The following SAMSN1 variants were observed in gnomAD, a reference collection of about 807,000 sequenced individuals.
SAMSN1 encodes the protein SAM domain-containing protein SAMSN-1.
In SAMSN1, 31 loss-of-function variants were observed where a neutral mutation model predicts 42.0. The ratio of observed to expected loss-of-function variants is 0.74; its 90% CI spans 0.55 to 1.00. SAMSN1 has a LOEUF of 1.00. SAMSN1 is among the 50% of genes least tolerant of loss of function. SAMSN1 has a pLI of 0.00. For synonymous variants in SAMSN1, 178 were observed against 151.9 expected (o/e 1.17, Z -1.26); for missense variants, 464 against 439.4 (o/e 1.06, Z -0.50).
At chr21:14,570,970 T>C (rs1299994930) in intron 2 of SAMSN1, among the ~76,000 whole-genome samples, 2 of 152,180 alleles carry the variant, frequency 1.3e-5, no homozygotes, top group Non-Finnish European at 2.9e-5. Flanking sequence ...CACATCTCCG[T>C]GTTTTCTCTC....
chr21:14,548,976 C>T (rs1371605779), upstream of SAMSN1, among the ~76,000 whole-genome samples: 1 of 152,136 alleles, frequency 6.6e-6, no homozygotes, highest in Non-Finnish European at 1.5e-5. Flanking sequence ...AGTCTTGGTG[C>T]TTTACAATAC....
intron 2 of SAMSN1, among the ~76,000 whole-genome samples, chr21:14,564,606 G>C (rs144072529): frequency 6.6e-6 from 1 of 152,324 alleles, no homozygotes; most frequent in East Asian, 1.9e-4. Flanking sequence ...AGTGGAGAAA[G>C]ATGATAAGCC....
chr21:14,604,482 G>C (rs951384631), intron 5 of SAMSN1, among the ~76,000 whole-genome samples: 8 of 152,190 alleles, frequency 5.3e-5, no homozygotes, highest in African/African-American at 1.9e-4. Context: ...GGGACGCTGA[G>C]GCAGAGGAAT....
chr21:14,610,556 C>A (rs1982676931), intron 4 of SAMSN1, among the ~76,000 whole-genome samples: 1 of 152,160 alleles, frequency 6.6e-6, no homozygotes, highest in Non-Finnish European at 1.5e-5. Context: ...ACTCCCTCCT[C>A]TTTGAAAATT....
chr21:14,513,605 G>T (rs1418629305), intron 3 of SAMSN1, among the ~76,000 whole-genome samples: 1 of 152,132 alleles, frequency 6.6e-6, no homozygotes, highest in Non-Finnish European at 1.5e-5. Context: ...TGTTATGAAA[G>T]AAATAAAACT....
chr21:14,579,449 A>G (rs1422893086), intron 2 of SAMSN1, among the ~76,000 whole-genome samples: 2 of 152,208 alleles, frequency 1.3e-5, no homozygotes, highest in African/African-American at 2.4e-5. Flanking sequence ...TAATTTATCT[A>G]TAACTGGATT....
upstream of SAMSN1, chr21:14,583,579 G>A (rs1007004782): frequency 1.5e-6 from 1 of 665,688 alleles, no homozygotes; most frequent in African/African-American, 1.8e-5. Flanking sequence ...TATCAAAATG[G>A]GCTTCATTAA....
chr21:14,581,804 T>G (rs535084242), intron 2 of SAMSN1, among the ~76,000 whole-genome samples: 1 of 152,290 alleles, frequency 6.6e-6, no homozygotes, highest in East Asian at 1.9e-4. Flanking sequence ...TAGCTATTAT[T>G]TTTCAGTGAA....
At chr21:14,604,513 G>A (rs1287520364) in intron 5 of SAMSN1, among the ~76,000 whole-genome samples, 1 of 152,162 alleles carries the variant, frequency 6.6e-6, no homozygotes, top group Non-Finnish European at 1.5e-5. Flanking sequence ...AGGAGTTTCA[G>A]ATCAGCTTGG....
intron 2 of SAMSN1, among the ~76,000 whole-genome samples, chr21:14,576,694 A>G (rs9981605): frequency 0.16 from 24,411 of 152,194 alleles, 4,374 homozygotes; most frequent in African/African-American, 0.45. Flanking sequence ...ATGAGTTCAT[A>G]CAAGATTCCA....
chr21:14,624,580 G>A (rs969911123), intron 2 of SAMSN1, among the ~76,000 whole-genome samples: 1 of 152,182 alleles, frequency 6.6e-6, no homozygotes, highest in Non-Finnish European at 1.5e-5. Flanking sequence ...AAACCAGGAA[G>A]AATGTGAATC....
intron 2 of SAMSN1, among the ~76,000 whole-genome samples, chr21:14,633,855 T>C (rs1335562637): frequency 6.6e-6 from 1 of 152,164 alleles, no homozygotes; most frequent in Non-Finnish European, 1.5e-5. Flanking sequence ...GCCTCATTAG[T>C]GCTGAGCTCT....
intron 2 of SAMSN1, among the ~76,000 whole-genome samples, chr21:14,573,737 T>G (rs578192319): frequency 1.3e-5 from 2 of 152,262 alleles, no homozygotes; most frequent in African/African-American, 4.8e-5. Flanking sequence ...AGCAAGGATC[T>G]TAAAAATCAT....
chr21:14,582,664 T>C (rs1981781061), intron 1 of SAMSN1, among the ~76,000 whole-genome samples: 1 of 152,196 alleles, frequency 6.6e-6, no homozygotes, highest in African/African-American at 2.4e-5. Context: ...TTTTGCTATA[T>C]AAAATTTTTT....
At chr21:14,502,165 C>T (rs1017408572) in intron 5 of SAMSN1, among the ~76,000 whole-genome samples, 1 of 152,134 alleles carries the variant, frequency 6.6e-6, no homozygotes, top group Non-Finnish European at 1.5e-5. Context: ...ATCTAAAAAA[C>T]AAATTTTACT....
At chr21:14,567,433 T>C (rs1981158934) in intron 2 of SAMSN1, among the ~76,000 whole-genome samples, 2 of 152,170 alleles carry the variant, frequency 1.3e-5, no homozygotes, top group African/African-American at 4.8e-5. Context: ...GGAAAATATA[T>C]GCTAAGTGAA....
chr21:14,621,579 T>C lies in SAMSN1; in HGVS notation c.157-5563A>G, dbSNP rs1983007914. 9.0e-5 allele frequency among the ~76,000 whole-genome samples: 5 copies of C among 55,600 alleles called. No homozygotes were observed. In the South Asian group the frequency reaches 2.4e-3, roughly 26 times the overall value. The allele number at this position is 55,600 out of a possible 152,430, so 36.5% of individuals were successfully genotyped here. ...AGCAGTCTGAGATCGAACTGCAAGG[T>C]CACAGAGAGGCTGGGGGAGGCTTGA... On this transcript the variant is annotated intron_variant, in intron 2 of 15. Coordinates refer to the SAMSN1 transcript ENST00000647101.
intron 1 of SAMSN1, among the ~76,000 whole-genome samples, chr21:14,523,585 C>T (rs147015522): frequency 7.2e-5 from 11 of 152,284 alleles, no homozygotes; most frequent in Admixed American, 5.9e-4. Context: ...GTATTGTTGT[C>T]CTGCTTATAA....
chr21:14,562,729 T>C (rs1980985430), intron 2 of SAMSN1, among the ~76,000 whole-genome samples: 1 of 152,070 alleles, frequency 6.6e-6, no homozygotes, highest in African/African-American at 2.4e-5. Context: ...GAAAAATGAA[T>C]TCATATCCAT....
Sources: gnomAD v4.1 joint callset for allele counts (sites outside exome capture counted in the v4.1 genomes callset) on GRCh38, gnomAD v4.1.1 for gene constraint, MANE v1.5 for transcripts, NCBI Gene and HGNC (gene_info 2026-07-23, HGNC 2026-07-21) for gene names.